DPYSL3: variants seen among roughly 807,000 people sequenced by gnomAD.
DPYSL3 encodes dihydropyrimidinase-related protein 3.
A neutral mutation model predicts 66.1 loss-of-function variants in DPYSL3; 16 were observed. That is an observed-to-expected ratio of 0.24 (90% CI 0.16 to 0.37). DPYSL3 has a LOEUF of 0.37. Ranked by LOEUF, DPYSL3 falls within the 10% of genes least tolerant of loss-of-function variation. DPYSL3 has a pLI of 1.00. For synonymous variants in DPYSL3, 338 were observed against 345.1 expected (o/e 0.98, Z 0.23); for missense variants, 738 against 916.2 (o/e 0.81, Z 2.51).
chr5:147,394,191 G>C (rs1239456033), intron 13 of DPYSL3, 68 bp from the exon 14 acceptor site: 1 of 1,510,230 alleles, frequency 6.6e-7, no homozygotes, highest in South Asian at 1.1e-5. Flanking sequence ...ATGTGGGCAA[G>C]AGAGAAACTG....
chr5:147,408,819 T>G (rs1447593305), intron 6 of DPYSL3, 23 bp from the exon 7 acceptor site: 3 of 1,613,728 alleles, frequency 1.9e-6, no homozygotes, highest in East Asian at 2.2e-5. Flanking sequence ...AAGAAAATAG[T>G]TCTTCAATAA....
chr5:147,473,356 G>T (rs1753111238), intron 1 of DPYSL3: 1 of 152,106 alleles, frequency 6.6e-6, no homozygotes, highest in African/African-American at 2.4e-5. Context: ...TGAAGAATGA[G>T]ATACATAATC....
chr5:147,471,986 A>G (rs1753093255), intron 1 of DPYSL3, among the ~76,000 whole-genome samples: 2 of 152,004 alleles, frequency 1.3e-5, no homozygotes, highest in African/African-American at 4.8e-5. Context: ...TGTTTACACG[A>G]GCTTCATTCT....
At chr5:147,424,593 A>T (rs1363024628) in intron 2 of DPYSL3, among the ~76,000 whole-genome samples, 1 of 151,914 alleles carries the variant, frequency 6.6e-6, no homozygotes, top group East Asian at 1.9e-4. Flanking sequence ...CCCGACTTCA[A>T]CTCCTTTGAT....
At position 147,489,379 on chromosome 5, in the gene DPYSL3, G is replaced by A. The variant is rs138643426; in HGVS notation, c.381+20099C>T. ...AGAAGAGAACAGCACAGGGGCGTAT[G>A]GAAAGCAATCAGAGAGTCCTTGGGC... On this transcript the variant is annotated intron_variant, in intron 1 of 13. Transcript: ENST00000343218. Among the ~76,000 whole-genome samples the A allele has an allele frequency of 7.8e-4, 119 of 152,302 alleles. 1 individual carries two copies. The highest frequency in any genetic ancestry group is 2.7e-3 in the African/African-American group (114 of 41,554).
intron 1 of DPYSL3, among the ~76,000 whole-genome samples, chr5:147,505,031 T>C (rs1753665364): frequency 6.6e-6 from 1 of 152,248 alleles, no homozygotes; most frequent in African/African-American, 2.4e-5. Context: ...TGCTTTTCTA[T>C]GCACTTAGTA....
chr5:147,437,181 T>C (rs1752427620), intron 1 of DPYSL3, among the ~76,000 whole-genome samples: 1 of 152,214 alleles, frequency 6.6e-6, no homozygotes, highest in African/African-American at 2.4e-5. Flanking sequence ...AGCAGCTCTC[T>C]CTTTTCATCT....
At chr5:147,394,443 C>A (rs920889166) in intron 13 of DPYSL3, among the ~76,000 whole-genome samples, 2 of 152,154 alleles carry the variant, frequency 1.3e-5, no homozygotes, top group African/African-American at 4.8e-5. Context: ...CGTGCTTAAC[C>A]ATTATCTCCT....
At chr5:147,499,039 G>T (rs1753564395) in intron 1 of DPYSL3, among the ~76,000 whole-genome samples, 1 of 152,058 alleles carries the variant, frequency 6.6e-6, no homozygotes. Flanking sequence ...GTCTCCCAGG[G>T]TTTTTAGAGT....
intron 1 of DPYSL3, among the ~76,000 whole-genome samples, chr5:147,438,876 A>G (rs1468968396): frequency 1.3e-5 from 2 of 152,042 alleles, no homozygotes; most frequent in Non-Finnish European, 2.9e-5. Flanking sequence ...ATGTGTTATC[A>G]CTCTTCCCCT....
intron 1 of DPYSL3, among the ~76,000 whole-genome samples, chr5:147,497,896 T>TTC (rs34530065): frequency 0.012 from 1,796 of 149,718 alleles, 58 homozygotes; most frequent in East Asian, 0.086. Context: ...CTTCCTTCCC[T>TTC]TCTCTCTCTC....
At chr5:147,414,590 C>T (rs758094980) in intron 4 of DPYSL3, among the ~76,000 whole-genome samples, 2 of 152,182 alleles carry the variant, frequency 1.3e-5, no homozygotes, top group Non-Finnish European at 2.9e-5. Flanking sequence ...TCCCAAAAGC[C>T]TCTACATTAT....
intron 7 of DPYSL3, 72 bp from the exon 8 acceptor site, chr5:147,405,802 C>A: frequency 1.3e-6 from 2 of 1,553,590 alleles, no homozygotes; most frequent in Non-Finnish European, 1.7e-6. Flanking sequence ...CCTCCACGAA[C>A]TGTGAGGATG....
At chr5:147,484,514 C>A (rs1420279957) in intron 1 of DPYSL3, among the ~76,000 whole-genome samples, 1 of 152,286 alleles carries the variant, frequency 6.6e-6, no homozygotes, top group South Asian at 2.1e-4. Flanking sequence ...TTTCATGGAG[C>A]TTTTCCTATC....
intron 1 of DPYSL3, among the ~76,000 whole-genome samples, chr5:147,456,620 C>T (rs1370097316): frequency 2.3e-5 from 3 of 129,320 alleles, no homozygotes; most frequent in Non-Finnish European, 4.7e-5. Flanking sequence ...GACAGAGTCT[C>T]GCTCTTGTTG....
chr5:147,412,769 TA>T, intron 5 of DPYSL3, 81 bp from the exon 6 acceptor site: 1 of 1,221,458 alleles, frequency 8.2e-7, no homozygotes, highest in Non-Finnish European at 1.2e-6. Context: ...GAGCCCAAGC[TA>T]AAACAGATGG....
intron 1 of DPYSL3, among the ~76,000 whole-genome samples, chr5:147,493,971 T>C (rs914347271): frequency 6.6e-6 from 1 of 152,044 alleles, no homozygotes; most frequent in Non-Finnish European, 1.5e-5. Flanking sequence ...GGCAGGTGGA[T>C]CACTTGAGCT....
At chr5:147,481,171 G>A (rs1753237440) in intron 1 of DPYSL3, among the ~76,000 whole-genome samples, 1 of 152,170 alleles carries the variant, frequency 6.6e-6, no homozygotes, top group Non-Finnish European at 1.5e-5. Context: ...TTTAATCTCA[G>A]TTCTGCCACA....
intron 1 of DPYSL3, among the ~76,000 whole-genome samples, chr5:147,469,458 A>G (rs1753054273): frequency 6.6e-6 from 1 of 152,200 alleles, no homozygotes; most frequent in Non-Finnish European, 1.5e-5. Flanking sequence ...AAATAGGGAT[A>G]ATATGGTTAA....
Sources: gnomAD v4.1 joint callset for allele counts (sites outside exome capture counted in the v4.1 genomes callset) on GRCh38, gnomAD v4.1.1 for gene constraint, MANE v1.5 for transcripts, NCBI Gene and HGNC (gene_info 2026-07-23, HGNC 2026-07-21) for gene names.